Variants in PLD5 observed in about 807,000 individuals in gnomAD.
PLD5 encodes inactive phospholipase D5.
Under a neutral mutation model 61.1 loss-of-function variants are expected in PLD5, and 36 were observed. That is an observed-to-expected ratio of 0.59 (90% CI 0.45 to 0.78). The LOEUF (loss-of-function observed/expected upper bound fraction) is 0.78. Ranked by LOEUF, PLD5 falls within the 30% of genes least tolerant of loss-of-function variation. The probability of loss-of-function intolerance (pLI) is 0.00; values close to 1 mark genes in which losing one functional copy is unlikely to be tolerated. For synonymous variants in PLD5, 243 were observed against 242.8 expected, an observed-to-expected ratio of 1.00 and a Z score of -0.01; for missense variants, 515 against 644.4, an observed-to-expected ratio of 0.80 and a Z score of 2.17.
chr1:242,179,921 AG>A (rs35248071), intron 5 of PLD5, among the ~76,000 whole-genome samples: 1 of 150,442 alleles, frequency 6.6e-6, no homozygotes, highest in Non-Finnish European at 1.5e-5. Flanking sequence ...ACCAAAATTG[AG>A]TGTGTGTGTG....
chr1:242,328,323 A>G (rs962348860), intron 2 of PLD5, among the ~76,000 whole-genome samples: 1 of 122,334 alleles, frequency 8.2e-6, no homozygotes, highest in African/African-American at 2.9e-5. Flanking sequence ...TTCTACATAT[A>G]TGTGTTTTAC....
intron 2 of PLD5, among the ~76,000 whole-genome samples, chr1:242,343,274 G>T (rs1362889577): frequency 6.6e-6 from 1 of 151,952 alleles, no homozygotes. Context: ...CTCAGCAAAG[G>T]TTGAACTGCG....
intron 5 of PLD5, among the ~76,000 whole-genome samples, chr1:242,175,653 C>A: frequency 6.6e-6 from 1 of 152,166 alleles, no homozygotes; most frequent in East Asian, 1.9e-4. Flanking sequence ...GAGAGGAAAT[C>A]AAATTGTCTC....
chr1:242,109,174 C>T (rs1012595227), intron 7 of PLD5, among the ~76,000 whole-genome samples: 13 of 152,180 alleles, frequency 8.5e-5, no homozygotes, highest in Admixed American at 7.2e-4. Flanking sequence ...CCTGGTGATG[C>T]TACTTCTTGA....
At chr1:242,170,847 G>T (rs747328405) in intron 5 of PLD5, among the ~76,000 whole-genome samples, 1 of 150,708 alleles carries the variant, frequency 6.6e-6, no homozygotes, top group Non-Finnish European at 1.5e-5. Flanking sequence ...CGAGAAAAAA[G>T]AATGAAAAGG....
Position 242,090,994 on chromosome 1 carries a change from C to T in PLD5, c.1355-884G>A, listed in dbSNP as rs183854865. On this transcript the variant is annotated intron_variant, in intron 9 of 9. Transcript: ENST00000536534. Reference sequence around the variant, plus strand: ...TCTTGAACTCCTGGGTTCAAGCGATCCCCCCACCTCAGCCTCCCAATATGC... The same window carrying T: ...TCTTGAACTCCTGGGTTCAAGCGATTCCCCCACCTCAGCCTCCCAATATGC... Among the ~76,000 whole-genome samples, 513 of 151,992 alleles carry T rather than the reference C, an allele frequency of 3.4e-3. 1 individual carries two copies. The highest frequency in any genetic ancestry group is 0.02 in the Middle Eastern group (6 of 294).
At chr1:242,449,610 A>G (rs1666698924) in intron 1 of PLD5, 3 of 1,083,522 alleles carry the variant, frequency 2.8e-6, no homozygotes, top group South Asian at 3.5e-5. Flanking sequence ...TCTTAAAAAC[A>G]TAGGCCCCTC....
chr1:242,203,659 C>G (rs946897497), intron 5 of PLD5: 4 of 152,886 alleles, frequency 2.6e-5, no homozygotes, highest in African/African-American at 9.6e-5. Flanking sequence ...GCTTCCCCTT[C>G]ACCTTCTGCC....
intron 1 of PLD5, among the ~76,000 whole-genome samples, chr1:242,408,093 G>A (rs756571460): frequency 6.6e-6 from 1 of 151,984 alleles, no homozygotes; most frequent in Non-Finnish European, 1.5e-5. Context: ...ACTTTCTCCA[G>A]TGACTAACTT....
chr1:242,097,587 T>A (rs1660348303), intron 9 of PLD5, among the ~76,000 whole-genome samples: 1 of 152,228 alleles, frequency 6.6e-6, no homozygotes, highest in Non-Finnish European at 1.5e-5. Context: ...GCCCACTTGT[T>A]GATGGGGTTG....
At chr1:242,338,025 C>T (rs1428294876) in intron 2 of PLD5, among the ~76,000 whole-genome samples, 3 of 152,118 alleles carry the variant, frequency 2.0e-5, no homozygotes, top group Non-Finnish European at 4.4e-5. Flanking sequence ...GCATTCCAAC[C>T]TTGCAACCTG....
intron 5 of PLD5, among the ~76,000 whole-genome samples, chr1:242,202,249 C>T (rs1169751022): frequency 1.3e-5 from 2 of 151,338 alleles, no homozygotes; most frequent in East Asian, 3.9e-4. Context: ...AACAAACAAA[C>T]AAAAAATATG....
At chr1:242,470,204 G>A (rs1241681537) in intron 1 of PLD5, among the ~76,000 whole-genome samples, 1 of 151,962 alleles carries the variant, frequency 6.6e-6, no homozygotes, top group Admixed American at 6.6e-5. Flanking sequence ...TTAGCCGGGC[G>A]TGGTGCGGGC....
chr1:242,233,627 G>C (rs1267585908), intron 4 of PLD5, among the ~76,000 whole-genome samples: 1 of 152,110 alleles, frequency 6.6e-6, no homozygotes, highest in Non-Finnish European at 1.5e-5. Context: ...AGCAAGCAAG[G>C]AAGCAAGCAA....
chr1:242,285,122 G>A lies in PLD5; in HGVS notation c.495+3240C>T, dbSNP rs189177554. On this transcript the variant is annotated intron_variant, in intron 3 of 9. Transcript: ENST00000536534. ...ATAGTTAGGTCATAGGCAGTAAGTT[G>A]AAAAATTCCATTTGTTGGCAGCAGG... Among the ~76,000 whole-genome samples the A allele has an allele frequency of 7.3e-3, 1,115 of 152,332 alleles. 15 individuals are homozygous for A. Among genetic ancestry groups the A allele is most frequent in the African/African-American group, 0.025 (1,043 of 41,576 alleles).
rs546059173 is a variant in PLD5, at chr1:242,401,380, G to T, written c.190-53138C>A. On this transcript the variant is annotated intron_variant, in intron 1 of 9. Coordinates refer to ENST00000536534, the MANE Select transcript of PLD5 (RefSeq NM_001372062.1). ...CAGCGTATTGCCCACCCAGAAGCCC[G>T]AGTGGTCTTCTGTAACAAGAAACAG... is the stretch of plus-strand genomic sequence containing the variant. 7.6e-4 allele frequency among the ~76,000 whole-genome samples: 116 copies of T among 151,934 alleles called. 2 individuals are homozygous for T. The highest frequency in any genetic ancestry group is 1.5e-4 in the Non-Finnish European group (10 of 68,014).
chr1:242,293,849 CTGTT>C (rs1675506088), intron 2 of PLD5, among the ~76,000 whole-genome samples: 1 of 152,170 alleles, frequency 6.6e-6, no homozygotes, highest in Non-Finnish European at 1.5e-5. Context: ...GGACGCATGG[CTGTT>C]TCTTATGCTA....
At chr1:242,214,437 C>T (rs897424768) in intron 5 of PLD5, among the ~76,000 whole-genome samples, 1 of 152,182 alleles carries the variant, frequency 6.6e-6, no homozygotes, top group Non-Finnish European at 1.5e-5. Context: ...TCTTCAACTT[C>T]AGCAATTGCT....
rs1297307327 is a variant in PLD5 at position 242,394,972 on chromosome 1, T to TA, written c.190-46731dup. On this transcript the variant is annotated intron_variant, in intron 1 of 9. Coordinates refer to ENST00000536534, the MANE Select transcript of PLD5 (RefSeq NM_001372062.1). Reference sequence around the variant, plus strand: ...GATTATATATGAATATATATGATTATATATGAATATATATGAATATATATG... The same window carrying TA: ...GATTATATATGAATATATATGATTATAATATGAATATATATGAATATATATG... 8.7e-4 allele frequency among the ~76,000 whole-genome samples: 87 copies of TA among 100,090 alleles called. 6 individuals carry two copies. The highest frequency in any genetic ancestry group is 1.5e-3 in the African/African-American group (38 of 25,656). The allele number at this position is 100,090 out of a possible 152,430, so 65.7% of individuals were successfully genotyped here. A position where few individuals can be genotyped will look rare whatever the true frequency, so the allele number is the denominator to read the frequency against.
Sources: gnomAD v4.1 joint callset for allele counts (sites outside exome capture counted in the v4.1 genomes callset) on GRCh38, gnomAD v4.1.1 for gene constraint, MANE v1.5 for transcripts, NCBI Gene and HGNC (gene_info 2026-07-23, HGNC 2026-07-21) for gene names.